Variants in SNTG1 observed in about 807,000 individuals in gnomAD.
SNTG1 encodes syntrophin gamma 1.
Under a neutral mutation model 74.7 loss-of-function variants are expected in SNTG1, and 39 were observed. The ratio of observed to expected loss-of-function variants is 0.52; its 90% CI spans 0.40 to 0.68. The LOEUF is 0.68. Ranked by LOEUF, SNTG1 falls within the 30% of genes least tolerant of loss-of-function variation. The pLI, the probability that SNTG1 is intolerant of heterozygous loss-of-function variation, is 0.00. For synonymous variants in SNTG1, 254 were observed against 217.1 expected (o/e 1.17, Z -1.49); for missense variants, 685 against 609.5 (o/e 1.12, Z -1.30).
intron 1 of SNTG1, among the ~76,000 whole-genome samples, chr8:50,027,039 A>C (rs1298891305): frequency 2.6e-5 from 4 of 151,968 alleles, no homozygotes; most frequent in Middle Eastern, 3.2e-3. Context: ...CTGGCCACCC[A>C]CTTCTAGCCT....
rs78567990 is a variant in SNTG1, at chr8:50,607,296, T to C, written c.849+16379T>C. 1.4e-3 allele frequency among the ~76,000 whole-genome samples: 211 copies of C among 151,914 alleles called. 1 individual carries two copies. The highest frequency in any genetic ancestry group is 4.7e-3 in the African/African-American group (196 of 41,564). On this transcript the variant is annotated intron_variant, in intron 13 of 18. Transcript: ENST00000642720. ...GTTTGTGTAGGATGGGTTTTATTTA[T>C]TCATTATCTGGCAAAAATCTCCCAG...
chr8:50,745,716 A>G (rs1397742072), intron 17 of SNTG1, among the ~76,000 whole-genome samples: 1 of 152,022 alleles, frequency 6.6e-6, no homozygotes, highest in African/African-American at 2.4e-5. Context: ...ATGGAATATT[A>G]TTTAGCCATG....
chr8:50,569,986 T>C (rs2094537747), intron 12 of SNTG1, among the ~76,000 whole-genome samples: 1 of 152,132 alleles, frequency 6.6e-6, no homozygotes, highest in Non-Finnish European at 1.5e-5. Context: ...ATCATATTTT[T>C]ACATTTTACA....
chr8:50,609,280 G>T (rs942089346), intron 13 of SNTG1, among the ~76,000 whole-genome samples: 2 of 151,940 alleles, frequency 1.3e-5, no homozygotes, highest in Admixed American at 6.6e-5. Context: ...AAAGTATTTT[G>T]TTGTTGCTTC....
intron 2 of SNTG1, among the ~76,000 whole-genome samples, chr8:50,197,392 T>C (rs1301011345): frequency 6.6e-6 from 1 of 152,160 alleles, no homozygotes; most frequent in Non-Finnish European, 1.5e-5. Context: ...TGCTTTCTCA[T>C]TCTATTGTAC....
intron 2 of SNTG1, among the ~76,000 whole-genome samples, chr8:50,343,965 G>T (rs1203642633): frequency 6.6e-6 from 1 of 152,162 alleles, no homozygotes; most frequent in Non-Finnish European, 1.5e-5. Flanking sequence ...TTAGTCATCT[G>T]ATCAGGTAGT....
At chr8:50,140,448 T>G (rs1224979504) in intron 1 of SNTG1, among the ~76,000 whole-genome samples, 1 of 152,134 alleles carries the variant, frequency 6.6e-6, no homozygotes, top group Non-Finnish European at 1.5e-5. Context: ...ATATGCCTTA[T>G]GTATGTGTAT....
intron 15 of SNTG1, among the ~76,000 whole-genome samples, chr8:50,691,676 T>G (rs901220482): frequency 3.3e-5 from 5 of 152,182 alleles, no homozygotes; most frequent in African/African-American, 1.2e-4. Context: ...CTGGCTGCCC[T>G]TAACATTTTT....
intron 18 of SNTG1, among the ~76,000 whole-genome samples, chr8:50,786,112 T>C (rs911642698): frequency 6.6e-6 from 1 of 151,884 alleles, no homozygotes; most frequent in Non-Finnish European, 1.5e-5. Context: ...AACTTAAATA[T>C]AGAAAATGTT....
At chr8:50,143,687 C>T (rs1162484363) in intron 1 of SNTG1, among the ~76,000 whole-genome samples, 1 of 152,156 alleles carries the variant, frequency 6.6e-6, no homozygotes, top group African/African-American at 2.4e-5. Flanking sequence ...CAATATGTTA[C>T]TGTTTGGGCG....
At chr8:50,113,831 G>A (rs1391185913) in intron 1 of SNTG1, among the ~76,000 whole-genome samples, 1 of 151,992 alleles carries the variant, frequency 6.6e-6, no homozygotes, top group Non-Finnish European at 1.5e-5. Context: ...AATGGGTGCA[G>A]CACACCAACA....
At chr8:50,773,477 G>A (rs2095632389) in intron 18 of SNTG1, among the ~76,000 whole-genome samples, 1 of 152,066 alleles carries the variant, frequency 6.6e-6, no homozygotes, top group Non-Finnish European at 1.5e-5. Context: ...CACACACAGA[G>A]CCCCATGGAA....
At chr8:50,754,697 T>G (rs2131711891) in intron 18 of SNTG1, among the ~76,000 whole-genome samples, 1 of 152,008 alleles carries the variant, frequency 6.6e-6, no homozygotes, top group South Asian at 2.1e-4. Flanking sequence ...TGCCTATTTT[T>G]TAGTTGCTTT....
At chr8:50,781,294 G>A (rs1030415115) in intron 18 of SNTG1, among the ~76,000 whole-genome samples, 1 of 152,150 alleles carries the variant, frequency 6.6e-6, no homozygotes, top group Admixed American at 6.5e-5. Context: ...GTCTAATGTT[G>A]ACAGTGGGGT....
At chr8:50,529,680 C>A (rs1271970819) in intron 9 of SNTG1, among the ~76,000 whole-genome samples, 1 of 151,836 alleles carries the variant, frequency 6.6e-6, no homozygotes, top group Non-Finnish European at 1.5e-5. Context: ...TGCAATTATA[C>A]AAAATGTGAT....
At chr8:50,199,867 T>C (rs559855574) in intron 2 of SNTG1, among the ~76,000 whole-genome samples, 1 of 152,262 alleles carries the variant, frequency 6.6e-6, no homozygotes, top group East Asian at 1.9e-4. Context: ...ATATTGATTC[T>C]GAAGTGAATG....
chr8:50,108,102 A>G (rs1224283667), intron 1 of SNTG1, among the ~76,000 whole-genome samples: 3 of 152,174 alleles, frequency 2.0e-5, no homozygotes, highest in African/African-American at 7.2e-5. Flanking sequence ...GTAGCCACCA[A>G]CGTGGGTCAC....
intron 9 of SNTG1, among the ~76,000 whole-genome samples, chr8:50,513,168 T>C (rs894468272): frequency 2.6e-5 from 4 of 152,236 alleles, no homozygotes; most frequent in Non-Finnish European, 5.9e-5. Context: ...TGTTGGAGTT[T>C]GCTGGAGGTC....
chr8:49,975,744 A>G (rs1812132344), intron 1 of SNTG1, among the ~76,000 whole-genome samples: 1 of 136,396 alleles, frequency 7.3e-6, no homozygotes, highest in African/African-American at 2.7e-5. Context: ...TGTGCCTGCA[A>G]GACTCACAAA....
Sources: gnomAD v4.1 joint callset for allele counts (sites outside exome capture counted in the v4.1 genomes callset) on GRCh38, gnomAD v4.1.1 for gene constraint, MANE v1.5 for transcripts, NCBI Gene and HGNC (gene_info 2026-07-23, HGNC 2026-07-21) for gene names.